Variants in UBE2E2 observed in about 807,000 individuals in gnomAD.
The protein encoded by UBE2E2 is ubiquitin conjugating enzyme E2 E2, also known as ubiquitin-conjugating enzyme E2 E2.
Under a neutral mutation model 24.7 loss-of-function variants are expected in UBE2E2, and 6 were observed. That is an observed-to-expected ratio of 0.24 (90% CI 0.13 to 0.48). The LOEUF (loss-of-function observed/expected upper bound fraction) is 0.48. UBE2E2 is among the 20% of genes least tolerant of loss of function. UBE2E2 has a pLI of 0.99. For missense variants in UBE2E2, 169 were observed against 245.0 expected (o/e 0.69, Z 2.07); for synonymous variants, 104 against 83.6 (o/e 1.24, Z -1.33).
intron 2 of UBE2E2, among the ~76,000 whole-genome samples, chr3:23,216,297 G>A (rs1696474152): frequency 6.6e-6 from 1 of 152,108 alleles, no homozygotes; most frequent in African/African-American, 2.4e-5. Flanking sequence ...TATTCTAGTA[G>A]TTTGTTGTCT....
At chr3:23,349,827 A>C (rs1695680877) in intron 3 of UBE2E2, among the ~76,000 whole-genome samples, 1 of 152,204 alleles carries the variant, frequency 6.6e-6, no homozygotes, top group Admixed American at 6.5e-5. Context: ...ACAAAAAGAC[A>C]GCAGTAACCT....
intron 3 of UBE2E2, among the ~76,000 whole-genome samples, chr3:23,355,941 C>T (rs769757087): frequency 2.0e-5 from 3 of 152,200 alleles, no homozygotes; most frequent in African/African-American, 4.8e-5. Flanking sequence ...TTTGTTAGAT[C>T]CTGCCATTTC....
intron 4 of UBE2E2, among the ~76,000 whole-genome samples, chr3:23,525,756 A>G (rs556228946): frequency 6.6e-6 from 1 of 152,314 alleles, no homozygotes; most frequent in Non-Finnish European, 1.5e-5. Context: ...GGAACATGAC[A>G]TGAAGGATGT....
chr3:23,443,640 C>G (rs2125410145), intron 3 of UBE2E2, among the ~76,000 whole-genome samples: 1 of 152,220 alleles, frequency 6.6e-6, no homozygotes, highest in South Asian at 2.1e-4. Flanking sequence ...CAAGAACTGC[C>G]CCCCGAGGCA....
chr3:23,206,928 T>C (rs1696162538), intron 1 of UBE2E2, among the ~76,000 whole-genome samples: 1 of 152,166 alleles, frequency 6.6e-6, no homozygotes, highest in Admixed American at 6.5e-5. Context: ...GTAATTTGAT[T>C]AAGAGTAATC....
intron 5 of UBE2E2, among the ~76,000 whole-genome samples, chr3:23,557,327 G>A (rs139998470): frequency 3.2e-4 from 49 of 152,212 alleles, no homozygotes; most frequent in African/African-American, 1.1e-3. Context: ...CATAGACTAA[G>A]CACTTCTATT....
intron 3 of UBE2E2, among the ~76,000 whole-genome samples, chr3:23,295,321 T>C (rs1698880796): frequency 6.6e-6 from 1 of 152,216 alleles, no homozygotes; most frequent in Non-Finnish European, 1.5e-5. Context: ...TGGCTGTCTT[T>C]GCTGGTTTCT....
chr3:23,506,748 C>G (rs1343205973), intron 4 of UBE2E2, among the ~76,000 whole-genome samples: 1 of 152,148 alleles, frequency 6.6e-6, no homozygotes, highest in Non-Finnish European at 1.5e-5. Flanking sequence ...ATCTTCCCAC[C>G]CCAGCCTCCC....
intron 3 of UBE2E2, among the ~76,000 whole-genome samples, chr3:23,383,750 C>T (rs1436964546): frequency 6.6e-6 from 1 of 151,730 alleles, no homozygotes; most frequent in Non-Finnish European, 1.5e-5. Flanking sequence ...CAGTTTTTCC[C>T]TTTCTCTGAA....
intron 3 of UBE2E2, among the ~76,000 whole-genome samples, chr3:23,337,533 G>A (rs1359287594): frequency 6.6e-6 from 1 of 152,150 alleles, no homozygotes; most frequent in African/African-American, 2.4e-5. Context: ...TGTGCTTTAG[G>A]ACGATTTCAC....
At chr3:23,562,260 T>A (rs1695952517) in intron 5 of UBE2E2, among the ~76,000 whole-genome samples, 1 of 152,094 alleles carries the variant, frequency 6.6e-6, no homozygotes, top group South Asian at 2.1e-4. Flanking sequence ...CCTAATTTAT[T>A]GAGAGTTTTT....
At chr3:23,487,171 G>T (rs943928710) in intron 3 of UBE2E2, among the ~76,000 whole-genome samples, 2 of 152,178 alleles carry the variant, frequency 1.3e-5, no homozygotes, top group African/African-American at 4.8e-5. Context: ...CACCCCAAGT[G>T]TGTGCACACC....
chr3:23,271,319 G>A (rs189204111), intron 3 of UBE2E2, among the ~76,000 whole-genome samples: 92 of 152,302 alleles, frequency 6.0e-4, no homozygotes, highest in African/African-American at 2.0e-3. Flanking sequence ...TGGGTTTGTG[G>A]TCTTGCTGGC....
chr3:23,582,314 G>A (rs1021753294), intron 5 of UBE2E2, among the ~76,000 whole-genome samples: 2 of 152,052 alleles, frequency 1.3e-5, no homozygotes, highest in Non-Finnish European at 2.9e-5. Context: ...TACCATTGAT[G>A]GGCATTTAGG....
chr3:23,271,387 G>A (rs186584075), intron 3 of UBE2E2, among the ~76,000 whole-genome samples: 6 of 152,258 alleles, frequency 3.9e-5, no homozygotes, highest in Admixed American at 1.3e-4. Flanking sequence ...AAGGTGGCGC[G>A]GACCCAAAGA....
intron 4 of UBE2E2, among the ~76,000 whole-genome samples, chr3:23,514,567 A>T (rs1338482858): frequency 6.6e-6 from 1 of 152,102 alleles, no homozygotes; most frequent in Non-Finnish European, 1.5e-5. Flanking sequence ...GCATCCAGTA[A>T]ACCCAGTAGA....
intron 3 of UBE2E2, among the ~76,000 whole-genome samples, chr3:23,467,921 A>G (rs2125431317): frequency 6.6e-6 from 1 of 152,210 alleles, no homozygotes; most frequent in Admixed American, 6.5e-5. Flanking sequence ...GGTGCTACAA[A>G]CTTTCAAACA....
chr3:23,485,205 G>A (rs1699338774), intron 3 of UBE2E2, among the ~76,000 whole-genome samples: 1 of 148,512 alleles, frequency 6.7e-6, no homozygotes, highest in Admixed American at 6.8e-5. Flanking sequence ...AACCTCCCAA[G>A]TAATCTCAGC....
At chr3:23,405,432 C>T (rs1290089130) in intron 3 of UBE2E2, among the ~76,000 whole-genome samples, 9 of 152,160 alleles carry the variant, frequency 5.9e-5, no homozygotes, top group Non-Finnish European at 4.4e-5. Flanking sequence ...CACAGAAGTA[C>T]TTTCTCAACC....
Sources: allele counts gnomAD v4.1 joint callset (sites outside exome capture counted in the v4.1 genomes callset), GRCh38; gene constraint gnomAD v4.1.1; transcripts MANE v1.5; gene names NCBI Gene and HGNC (gene_info 2026-07-23, HGNC 2026-07-21).